TPRG1: variants seen among roughly 807,000 people sequenced by gnomAD.
TPRG1 encodes the protein tumor protein p63 regulated 1.
Under a neutral mutation model 29.3 loss-of-function variants are expected in TPRG1, and 29 were observed. The observed-to-expected ratio is 0.99, with a 90% CI of 0.74 to 1.35. TPRG1 has a LOEUF of 1.35. Ranked by LOEUF, TPRG1 falls within the 40% of genes most tolerant of loss-of-function variation. TPRG1 has a pLI of 0.00. For missense variants in TPRG1, 327 were observed against 335.0 expected (o/e 0.98, Z 0.19); for synonymous variants, 130 against 116.8 (o/e 1.11, Z -0.73).
At chr3:189,008,989 G>T (rs537049379) in intron 3 of TPRG1, among the ~76,000 whole-genome samples, 190 of 152,100 alleles carry the variant, frequency 1.2e-3, no homozygotes, top group Non-Finnish European at 1.9e-3. Flanking sequence ...GTCGGCAAAG[G>T]TGATTGAGAA....
chr3:189,094,565 C>T (rs1247242086), intron 4 of TPRG1, among the ~76,000 whole-genome samples: 5 of 152,176 alleles, frequency 3.3e-5, no homozygotes, highest in African/African-American at 1.2e-4. Context: ...CAGCTGAAAT[C>T]CCTCCACCTC....
In TPRG1 at chr3:189,285,340, C is replaced by T. The variant is rs559496423; in HGVS notation, c.480-25046C>T. Among the ~76,000 whole-genome samples, 8 of 152,254 alleles carry T rather than the reference C, an allele frequency of 5.3e-5. No individual in the cohort carries two copies. In the East Asian group the frequency reaches 7.7e-4, roughly 15 times the overall value. On this transcript the variant is annotated intron_variant, in intron 4 of 5. Transcript: ENST00000345063. Reference sequence around the variant, plus strand: ...CCTGCCAGGCCTAGGCGAGGAAAGGCGGGCGTAGGCTGCTATGGAGCTCCC... The same window carrying T: ...CCTGCCAGGCCTAGGCGAGGAAAGGTGGGCGTAGGCTGCTATGGAGCTCCC...
chr3:189,110,653 T>C (rs1720401332), intron 1 of TPRG1, among the ~76,000 whole-genome samples: 2 of 152,000 alleles, frequency 1.3e-5, no homozygotes. Flanking sequence ...TTAATTCTGC[T>C]TTTTCTTCTG....
At chr3:189,070,144 C>T (rs1183642471) in intron 4 of TPRG1, among the ~76,000 whole-genome samples, 1 of 152,024 alleles carries the variant, frequency 6.6e-6, no homozygotes, top group East Asian at 1.9e-4. Flanking sequence ...CCAGTGAATT[C>T]GACTGACAGA....
At chr3:189,099,960 A>T (rs959110999), upstream of TPRG1, among the ~76,000 whole-genome samples, 7 of 152,202 alleles carry the variant, frequency 4.6e-5, no homozygotes, top group African/African-American at 1.7e-4. Context: ...TAGGTCCATC[A>T]TGCCTAAATA....
chr3:189,260,577 T>C (rs1004495963), intron 4 of TPRG1, among the ~76,000 whole-genome samples: 2 of 152,246 alleles, frequency 1.3e-5, no homozygotes, highest in Non-Finnish European at 2.9e-5. Flanking sequence ...CACATTGATA[T>C]GCCAACAAAA....
intron 4 of TPRG1, among the ~76,000 whole-genome samples, chr3:189,087,221 T>G (rs1718006219): frequency 6.6e-6 from 1 of 152,190 alleles, no homozygotes; most frequent in South Asian, 2.1e-4. Flanking sequence ...AGATGGTATC[T>G]CATTGTGGTT....
chr3:189,096,473 G>C (rs938110891), upstream of TPRG1, among the ~76,000 whole-genome samples: 1 of 152,166 alleles, frequency 6.6e-6, no homozygotes, highest in African/African-American at 2.4e-5. Context: ...CTCTATAAGA[G>C]CTGGATTCCT....
chr3:189,002,668 T>G (rs1195845500), intron 2 of TPRG1, among the ~76,000 whole-genome samples: 1 of 152,120 alleles, frequency 6.6e-6, no homozygotes, highest in African/African-American at 2.4e-5. Context: ...TGTTGATAAA[T>G]TACCCGAAGG....
chr3:189,141,498 T>C (rs544532148), intron 3 of TPRG1, among the ~76,000 whole-genome samples: 2 of 152,232 alleles, frequency 1.3e-5, no homozygotes, highest in South Asian at 4.2e-4. Flanking sequence ...CCAATTAAGA[T>C]ATGCCAAGTG....
At chr3:189,246,220 T>C (rs1741362877) in intron 4 of TPRG1, among the ~76,000 whole-genome samples, 1 of 152,180 alleles carries the variant, frequency 6.6e-6, no homozygotes, top group Non-Finnish European at 1.5e-5. Context: ...CTTGCCACCA[T>C]GTAAGACGTC....
At chr3:189,291,468 G>A (rs532218287) in intron 4 of TPRG1, among the ~76,000 whole-genome samples, 23 of 152,262 alleles carry the variant, frequency 1.5e-4, no homozygotes, top group African/African-American at 5.5e-4. Context: ...CATTTACAAG[G>A]TGTTTGAAAC....
In TPRG1 at chr3:189,204,947, T is replaced by TCTCACACACACACACA. The variant is rs766857963; in HGVS notation, c.-9-2428_-9-2427insTCACACACACACACAC. ...CTGTCTCTATGTCTCTCTCTCTCTC[T>TCTCACACACACACACA]CACACACACACACACACACACACAC... On this transcript the variant is annotated intron_variant, in intron 1 of 5. Coordinates refer to ENST00000345063, the MANE Select transcript of TPRG1 (RefSeq NM_198485.4). Among the ~76,000 whole-genome samples the TCTCACACACACACACA allele has an allele frequency of 3.1e-4, 45 of 147,178 alleles. No individual in the cohort carries two copies. The East Asian group carries it at 7.7e-3, about 25-fold the overall frequency.
At chr3:189,213,815 G>A (rs1436084864) in intron 2 of TPRG1, among the ~76,000 whole-genome samples, 1 of 151,700 alleles carries the variant, frequency 6.6e-6, no homozygotes, top group Non-Finnish European at 1.5e-5. Context: ...TCTTTCATTT[G>A]ATAATACCTT....
chr3:189,287,100 T>G (rs1334557997), intron 4 of TPRG1, among the ~76,000 whole-genome samples: 1 of 152,042 alleles, frequency 6.6e-6, no homozygotes, highest in Non-Finnish European at 1.5e-5. Flanking sequence ...ACCCTGACAT[T>G]CATCATGCTT....
In TPRG1 at chr3:189,162,127, G is replaced by A. The variant is rs150026805; in HGVS notation, c.-10+11255G>A. Among the ~76,000 whole-genome samples, 316 of 152,148 alleles carry A rather than the reference G, an allele frequency of 2.1e-3. 3 individuals carry two copies. The highest frequency in any genetic ancestry group is 7.1e-3 in the African/African-American group (296 of 41,488). On this transcript the variant is annotated intron_variant, in intron 5 of 6. Coordinates refer to the TPRG1 transcript ENST00000412373. ...CCTGCCTCAGCCTCTCGAGTAGCTG[G>A]GATTACAGTCACCTGCCACCATGCC... is the stretch of plus-strand genomic sequence containing the variant.
At chr3:189,249,257 C>T (rs1184489523) in intron 4 of TPRG1, among the ~76,000 whole-genome samples, 4 of 151,718 alleles carry the variant, frequency 2.6e-5, no homozygotes, top group East Asian at 1.9e-4. Context: ...AGTGACTTTA[C>T]ATGAATGGTG....
At chr3:189,258,352 T>C (rs750035840) in intron 4 of TPRG1, among the ~76,000 whole-genome samples, 3 of 152,122 alleles carry the variant, frequency 2.0e-5, no homozygotes, top group Non-Finnish European at 4.4e-5. Flanking sequence ...CAGCTAAGAT[T>C]GCTGCCTGCT....
intron 4 of TPRG1, among the ~76,000 whole-genome samples, chr3:189,070,953 A>C (rs6769859): frequency 0.093 from 14,078 of 151,938 alleles, 1,011 homozygotes; most frequent in African/African-American, 0.2. Flanking sequence ...GATTGAAAAT[A>C]GAAATTCTCA....
Sources: allele counts gnomAD v4.1 joint callset (sites outside exome capture counted in the v4.1 genomes callset), GRCh38; gene constraint gnomAD v4.1.1; transcripts MANE v1.5; gene names NCBI Gene and HGNC (gene_info 2026-07-23, HGNC 2026-07-21).